Variants in SLC22A9 observed in about 807,000 individuals in gnomAD.
SLC22A9 encodes the protein solute carrier family 22 member 9, also known as organic anion transporter 7.
SLC22A9 carries 64 observed loss-of-function variants against 50.1 expected under a neutral mutation model. That is an observed-to-expected ratio of 1.28 (90% CI 1.04 to 1.57). The LOEUF (loss-of-function observed/expected upper bound fraction) is 1.57. SLC22A9 is among the 40% of genes most tolerant of loss of function. The pLI, the probability that SLC22A9 is intolerant of heterozygous loss-of-function variation, is 0.00. For missense variants in SLC22A9, 757 were observed against 676.1 expected, an observed-to-expected ratio of 1.12 and a Z score of -1.33; for synonymous variants, 261 against 242.5, an observed-to-expected ratio of 1.08 and a Z score of -0.71.
intron 7 of SLC22A9, 94 bp downstream of exon 7, chr11:63,406,805 G>A (rs1565190780): frequency 1.5e-6 from 2 of 1,342,028 alleles, no homozygotes; most frequent in African/African-American, 1.5e-5. Context: ...AGAAGGAAAG[G>A]GAGAATTGGG....
In SLC22A9 at chr11:63,408,564, C is replaced by A. The variant is rs531777273; in HGVS notation, c.1398-112C>A. The stretch of plus-strand genomic sequence containing the variant: ...GAAAATTTCAAACACAGGAGTATTT[C>A]ATCACCTCTGTGTGTCTAAATGTTC... On this transcript the variant is annotated intron_variant, in intron 8 of 9. Transcript: ENST00000279178. 8.4e-6 allele frequency: 8 copies of A among 947,964 alleles called. No homozygotes were observed. The African/African-American group carries it at 1.3e-4, about 16-fold the overall frequency. The allele number at this position is 947,964 out of a possible 1,614,324, so 58.7% of individuals were successfully genotyped here. A position where few individuals can be genotyped will look rare whatever the true frequency, so the allele number is the denominator to read the frequency against.
chr11:63,370,408 G>C lies in SLC22A9; in HGVS notation c.352G>C (p.Asp118His), dbSNP rs1346341411. 22 of 1,611,514 alleles carry C rather than the reference G, an allele frequency of 1.4e-5. No individual in the cohort carries two copies. Among genetic ancestry groups the C allele is most frequent in the Non-Finnish European group, 1.5e-5 (18 of 1,178,660 alleles). The change falls in exon 1 of 10, where the codon GAT becomes CAT. Residue 118 changes from aspartate to histidine, a missense_variant. Transcript: ENST00000279178. Reference protein sequence around the residue: ...TSDADMEPCVDGWVYDRISFS... With the variant: ...TSDADMEPCVHGWVYDRISFS... Reference sequence around the variant, plus strand: ...TGACGCAGACATGGAGCCCTGTGTGGATGGCTGGGTGTATGACAGAATCTC... The same window carrying C: ...TGACGCAGACATGGAGCCCTGTGTGCATGGCTGGGTGTATGACAGAATCTC...
intron 6 of SLC22A9, among the ~76,000 whole-genome samples, chr11:63,405,142 A>AATC (rs1464263419): frequency 4.6e-5 from 7 of 152,072 alleles, no homozygotes; most frequent in Admixed American, 4.6e-4. Flanking sequence ...TAATAATAAT[A>AATC]ATAAAAGGAA....
chr11:63,391,097 A>G, intron 6 of SLC22A9, among the ~76,000 whole-genome samples: 1 of 152,022 alleles, frequency 6.6e-6, no homozygotes. Context: ...TCAGGAGCAT[A>G]TTGTTTAATT....
chr11:63,397,652 G>A (rs2014882886), intron 6 of SLC22A9, among the ~76,000 whole-genome samples: 1 of 151,982 alleles, frequency 6.6e-6, no homozygotes, highest in Non-Finnish European at 1.5e-5. Flanking sequence ...TCATCTCATG[G>A]CCACCACCAC....
chr11:63,399,591 A>C (rs1284463495), intron 6 of SLC22A9, among the ~76,000 whole-genome samples: 1 of 152,228 alleles, frequency 6.6e-6, no homozygotes, highest in East Asian at 1.9e-4. Flanking sequence ...CCCCAGTACA[A>C]AAATAGTTGA....
chr11:63,400,700 G>A (rs570799216), intron 6 of SLC22A9, among the ~76,000 whole-genome samples: 3 of 151,742 alleles, frequency 2.0e-5, no homozygotes, highest in Non-Finnish European at 4.4e-5. Context: ...AACCAGAAAC[G>A]AACACACACA....
chr11:63,406,818 C>A, intron 7 of SLC22A9, 107 bp downstream of exon 7: 1 of 1,261,108 alleles, frequency 7.9e-7, no homozygotes, highest in Non-Finnish European at 1.1e-6. Flanking sequence ...GAATTGGGTT[C>A]TTAGGATTTC....
intron 5 of SLC22A9, among the ~76,000 whole-genome samples, chr11:63,377,296 C>T (rs2014478742): frequency 6.6e-6 from 1 of 151,788 alleles, no homozygotes; most frequent in African/African-American, 2.4e-5. Context: ...CACACATCAG[C>T]CATAAAACAA....
chr11:63,396,021 T>C (rs1373279712), intron 6 of SLC22A9, among the ~76,000 whole-genome samples: 1 of 152,122 alleles, frequency 6.6e-6, no homozygotes, highest in African/African-American at 2.4e-5. Context: ...CCAGCTCCCA[T>C]GCAATCCAAA....
intron 6 of SLC22A9, among the ~76,000 whole-genome samples, chr11:63,397,320 A>G (rs564332531): frequency 3.9e-5 from 6 of 152,330 alleles, no homozygotes; most frequent in East Asian, 3.9e-4. Context: ...ACTGCACTGT[A>G]TCAGACCTGA....
intron 2 of SLC22A9, among the ~76,000 whole-genome samples, chr11:63,372,655 A>T (rs529454554): frequency 6.6e-5 from 10 of 152,282 alleles, no homozygotes; most frequent in Admixed American, 4.6e-4. Context: ...ATCTATAAAT[A>T]TAATATTGCT....
At chr11:63,403,825 C>A (rs12281225) in intron 6 of SLC22A9, among the ~76,000 whole-genome samples, 15,100 of 151,088 alleles carry the variant, frequency 0.1, 967 homozygotes, top group African/African-American at 0.19. Context: ...ATAAATAAAT[C>A]AATCAATCAA....
intron 9 of SLC22A9, among the ~76,000 whole-genome samples, chr11:63,409,565 ACCAAGGCGT>A (rs1006590655): frequency 4.6e-5 from 7 of 152,136 alleles, no homozygotes; most frequent in Non-Finnish European, 1.0e-4. Context: ...ACAAGCTTGC[ACCAAGGCGT>A]CCAAGGATGA....
intron 2 of SLC22A9, among the ~76,000 whole-genome samples, chr11:63,372,596 AAAC>A: frequency 6.6e-6 from 1 of 152,252 alleles, no homozygotes; most frequent in Non-Finnish European, 1.5e-5. Flanking sequence ...CATTAAATCT[AAAC>A]AGCAGTTTGG....
intron 9 of SLC22A9, 50 bp from the exon 10 acceptor site, chr11:63,409,752 T>C (rs745865062): frequency 3.8e-6 from 6 of 1,566,094 alleles, no homozygotes; most frequent in East Asian, 4.7e-5. Flanking sequence ...GTTTAGTCCA[T>C]GTCTTTTCAT....
Position 63,406,671 on chromosome 11 carries a change from A to C in SLC22A9, c.1248A>C (p.Leu416=). ...RRASQMLLMF[L]LAICLLAIIF... is the part of the protein sequence containing the mutation. The stretch of plus-strand genomic sequence containing the variant: ...CAAGCCAGATGCTTCTCATGTTCCT[A>C]CTGGCAATCTGCCTTCTGGCCATCA... Residue 416 remains leucine, a synonymous_variant, in exon 7 of 10, where the codon CTA becomes CTC. Transcript: ENST00000279178. The C allele has an allele frequency of 2.5e-6, 4 of 1,613,732 alleles. No individual in the cohort carries two copies. The highest frequency in any genetic ancestry group is 2.5e-6 in the Non-Finnish European group (3 of 1,179,794).
In SLC22A9 at chr11:63,380,130, C is replaced by T. The variant is rs480013; in HGVS notation, c.955-2029C>T. Among the ~76,000 whole-genome samples the T allele has an allele frequency of 6.8e-3, 1,040 of 152,124 alleles. 11 individuals carry two copies. The highest frequency in any genetic ancestry group is 0.022 in the African/African-American group (919 of 41,492). On this transcript the variant is annotated intron_variant, in intron 5 of 9. Coordinates refer to ENST00000279178, the MANE Select transcript of SLC22A9 (RefSeq NM_080866.3). ...CATTAGATAAATCAAATCAAAACCA[C>T]GATAAGATACCATCTCACACCTGTC...
rs527310529 is a variant in SLC22A9, at chr11:63,385,838, G to A, written c.1073+3561G>A. On this transcript the variant is annotated intron_variant, in intron 6 of 9. Coordinates refer to ENST00000279178, the MANE Select transcript of SLC22A9 (RefSeq NM_080866.3). ...AGAACTTCCAATGCTATGTTGAATA[G>A]GAATGGTGAAAGAGGGCATCTTTGT... Among the ~76,000 whole-genome samples, 77 of 152,230 alleles carry A rather than the reference G, an allele frequency of 5.1e-4. 1 individual carries two copies. In the South Asian group the frequency reaches 7.9e-3, roughly 16 times the overall value.
Sources: gnomAD v4.1 joint callset for allele counts (sites outside exome capture counted in the v4.1 genomes callset) on GRCh38, gnomAD v4.1.1 for gene constraint, MANE v1.5 for transcripts, NCBI Gene and HGNC (gene_info 2026-07-23, HGNC 2026-07-21) for gene names.